CUL4A: variants seen among roughly 807,000 people sequenced by gnomAD.
CUL4A encodes cullin-4A.
A neutral mutation model predicts 95.5 loss-of-function variants in CUL4A; 16 were observed. That is an observed-to-expected ratio of 0.17 (90% CI 0.11 to 0.25). CUL4A has a LOEUF of 0.25. CUL4A is among the 10% of genes least tolerant of loss of function. The pLI is 1.00. For synonymous variants in CUL4A, 380 were observed against 353.1 expected, an observed-to-expected ratio of 1.08 and a Z score of -0.85; for missense variants, 610 against 937.0, an observed-to-expected ratio of 0.65 and a Z score of 4.56.
intron 18 of CUL4A, among the ~76,000 whole-genome samples, chr13:113,259,587 A>G (rs556539155): frequency 6.6e-6 from 1 of 152,334 alleles, no homozygotes; most frequent in South Asian, 2.1e-4. Flanking sequence ...CCTTTTCAGC[A>G]TCTATCAAGA....
intron 3 of CUL4A, among the ~76,000 whole-genome samples, chr13:113,225,671 G>A (rs1476614818): frequency 1.3e-5 from 2 of 152,202 alleles, no homozygotes; most frequent in Admixed American, 6.5e-5. Flanking sequence ...TGGCCCGCCT[G>A]CCCGCAGAGA....
At chr13:113,231,886 T>A (rs1034505602) in intron 5 of CUL4A, among the ~76,000 whole-genome samples, 1 of 152,062 alleles carries the variant, frequency 6.6e-6, no homozygotes, top group East Asian at 1.9e-4. Flanking sequence ...GTCTCCACCA[T>A]TGAGGTGGCT....
At chr13:113,244,604 G>A in intron 12 of CUL4A, 90 bp downstream of exon 12, 3 of 880,932 alleles carry the variant, frequency 3.4e-6, no homozygotes, top group Middle Eastern at 4.3e-4. Flanking sequence ...GAGAATGTCA[G>A]TATCAGTAGA....
At chr13:113,254,187 C>T (rs576029231) in intron 16 of CUL4A, among the ~76,000 whole-genome samples, 13 of 152,222 alleles carry the variant, frequency 8.5e-5, no homozygotes, top group African/African-American at 3.1e-4. Flanking sequence ...CACCCAAACT[C>T]TCATGTGCCT....
chr13:113,210,864 C>T (rs2040403564), intron 2 of CUL4A, among the ~76,000 whole-genome samples: 1 of 152,224 alleles, frequency 6.6e-6, no homozygotes, highest in South Asian at 2.1e-4. Flanking sequence ...AAGAAGACTT[C>T]AATCACCTAT....
At chr13:113,214,204 G>A (rs2040559390) in intron 2 of CUL4A, among the ~76,000 whole-genome samples, 1 of 152,248 alleles carries the variant, frequency 6.6e-6, no homozygotes, top group Non-Finnish European at 1.5e-5. Flanking sequence ...CACTTTTTGG[G>A]CCTCAGCTGG....
chr13:113,232,069 C>CACCACTACCTGCCCACCACCATTACTGCT (rs2041344016), intron 5 of CUL4A, among the ~76,000 whole-genome samples: 1 of 133,796 alleles, frequency 7.5e-6, no homozygotes, highest in African/African-American at 2.9e-5. Flanking sequence ...CCATTACTGT[C>CACCACTACCTGCCCACCACCATTACTGCT]ACCACTACCC....
intron 15 of CUL4A, among the ~76,000 whole-genome samples, chr13:113,250,579 G>A (rs2041968923): frequency 6.6e-6 from 1 of 152,100 alleles, no homozygotes; most frequent in Non-Finnish European, 1.5e-5. Context: ...GTACCCAAAC[G>A]ATAGCATTAT....
At chr13:113,232,266 GCCCACCA>G (rs2139183754) in intron 5 of CUL4A, among the ~76,000 whole-genome samples, 2 of 117,378 alleles carry the variant, frequency 1.7e-5, no homozygotes, top group African/African-American at 6.9e-5. Flanking sequence ...ACCACTACCC[GCCCACCA>G]CTATTACTGC....
Position 113,255,496 on chromosome 13 carries a change from A to T in CUL4A, c.2031+371A>T, listed in dbSNP as rs9577486. On this transcript the variant is annotated intron_variant, in intron 18 of 19. Coordinates refer to ENST00000375440, the MANE Select transcript of CUL4A (RefSeq NM_001008895.4). Reference sequence around the variant, plus strand: ...TCTGGGTAAATGTATAATGTTATGTATCCACCATTATAGGATCATACAGGA... The same window carrying T: ...TCTGGGTAAATGTATAATGTTATGTTTCCACCATTATAGGATCATACAGGA... Among the ~76,000 whole-genome samples, 2,316 of 152,210 alleles carry T rather than the reference A, an allele frequency of 0.015. 159 individuals are homozygous for T. In the East Asian group the frequency reaches 0.2, roughly 13 times the overall value.
At chr13:113,258,422 A>G (rs2042188644) in intron 18 of CUL4A, among the ~76,000 whole-genome samples, 1 of 152,258 alleles carries the variant, frequency 6.6e-6, no homozygotes, top group Non-Finnish European at 1.5e-5. Context: ...ATTAATTTAC[A>G]GAGCTTTTAT....
intron 10 of CUL4A, among the ~76,000 whole-genome samples, chr13:113,239,958 T>A (rs927842074): frequency 7.2e-5 from 11 of 152,380 alleles, no homozygotes; most frequent in Admixed American, 7.2e-4. Flanking sequence ...CAGTTTGCTT[T>A]ATAAACTTTA....
chr13:113,228,377 G>A (rs1438562526), intron 4 of CUL4A, among the ~76,000 whole-genome samples: 1 of 152,158 alleles, frequency 6.6e-6, no homozygotes, highest in Non-Finnish European at 1.5e-5. Flanking sequence ...TGCACAACCA[G>A]CGTCTTAGGC....
At chr13:113,232,773 G>A (rs2041400740) in intron 5 of CUL4A, among the ~76,000 whole-genome samples, 2 of 152,190 alleles carry the variant, frequency 1.3e-5, no homozygotes, top group Non-Finnish European at 2.9e-5. Flanking sequence ...ACTGGGAAGA[G>A]AGTGTACCCT....
At chr13:113,259,410 C>T (rs1332683043) in intron 18 of CUL4A, among the ~76,000 whole-genome samples, 1 of 152,204 alleles carries the variant, frequency 6.6e-6, no homozygotes, top group Non-Finnish European at 1.5e-5. Context: ...TCCCCCAGCC[C>T]TCATTTCAAC....
intron 19 of CUL4A, among the ~76,000 whole-genome samples, chr13:113,262,102 G>A (rs1339960258): frequency 6.6e-6 from 1 of 152,152 alleles, no homozygotes; most frequent in Non-Finnish European, 1.5e-5. Flanking sequence ...TAAAATGTGT[G>A]GCTTATCACT....
intron 18 of CUL4A, among the ~76,000 whole-genome samples, chr13:113,256,137 T>A (rs1206618753): frequency 6.6e-6 from 1 of 152,086 alleles, no homozygotes; most frequent in Non-Finnish European, 1.5e-5. Context: ...GCCTGAGCAA[T>A]GCAGTGAGAC....
intron 4 of CUL4A, 130 bp from the exon 5 acceptor site, chr13:113,229,316 A>C (rs2139165617): frequency 2.9e-6 from 2 of 694,582 alleles, no homozygotes; most frequent in South Asian, 3.5e-5. Context: ...AAAAAAATAA[A>C]ACATGAGGGC....
Position 113,263,552 on chromosome 13 carries a change from C to A in CUL4A, c.2250C>A (p.Asp750Glu). Reference protein sequence around the residue: ...IDRDYMERDKDNPNQYHYVA With the variant: ...IDRDYMERDKENPNQYHYVA ...GAGACTATATGGAGAGAGACAAAGA[C>A]AATCCGAATCAGTACCACTACGTGG... Residue 750 changes from aspartate (D) to glutamate (E), a missense_variant, in exon 20 of 20, where the codon GAC becomes GAA. Around this residue, in one of 10 missense-constraint regions of CUL4A, gnomAD observed 31 missense variants for 40.3 expected, o/e 0.77. Transcript: ENST00000375440. 1 of 1,605,082 alleles carries A rather than the reference C, an allele frequency of 6.2e-7. No homozygotes were observed. Among genetic ancestry groups the A allele is most frequent in the African/African-American group, 1.3e-5 (1 of 74,436 alleles).
Sources: allele counts gnomAD v4.1 joint callset (sites outside exome capture counted in the v4.1 genomes callset), GRCh38; gene constraint gnomAD v4.1.1; regional missense constraint gnomAD v4.1.1; transcripts MANE v1.5; gene names NCBI Gene and HGNC (gene_info 2026-07-23, HGNC 2026-07-21).